MBP: variants seen among roughly 807,000 people sequenced by gnomAD.
MBP encodes myelin basic protein.
Under a neutral mutation model 35.8 loss-of-function variants are expected in MBP, and 16 were observed. That is an observed-to-expected ratio of 0.45 (90% CI 0.30 to 0.68). The LOEUF is 0.68. Ranked by LOEUF, MBP falls within the 30% of genes least tolerant of loss-of-function variation. The pLI, the probability that MBP is intolerant of heterozygous loss-of-function variation, is 0.08. For synonymous variants in MBP, 143 were observed against 159.6 expected (o/e 0.90, Z 0.78); for missense variants, 380 against 404.7 (o/e 0.94, Z 0.52).
At chr18:77,096,500 G>A (rs780329914) in intron 2 of MBP, among the ~76,000 whole-genome samples, 8 of 152,192 alleles carry the variant, frequency 5.3e-5, no homozygotes, top group Non-Finnish European at 1.2e-4. Flanking sequence ...ACACCAAACA[G>A]ACCAATAAGT....
intron 1 of MBP, among the ~76,000 whole-genome samples, chr18:77,117,554 A>G (rs1400864062): frequency 1.3e-5 from 2 of 152,112 alleles, no homozygotes; most frequent in African/African-American, 4.8e-5. Context: ...GGCAGAACAC[A>G]TTCATAGTTC....
At position 76,988,080 on chromosome 18, in the gene MBP, G is replaced by A; in HGVS notation, c.750+415C>T. ...CAGCAGAATCATTTTCCCAGTGTCA[G>A]CATCTGGGGTCACTGAGACGGGCCA... is the stretch of plus-strand genomic sequence containing the variant. On this transcript the variant is annotated intron_variant, in intron 7 of 8. Coordinates refer to ENST00000355994, the MANE Select transcript of MBP (RefSeq NM_001025101.2). The surrounding 1 kb of genome is among the most constrained non-coding windows in gnomAD (Gnocchi z 5.2). 6.8e-7 allele frequency: 1 copy of A among 1,467,114 alleles called. No homozygotes were observed. Among genetic ancestry groups the A allele is most frequent in the Non-Finnish European group, 9.0e-7 (1 of 1,111,362 alleles). 90.9% of individuals were successfully genotyped at this position (1,467,114 alleles called of 1,614,324 possible).
intron 8 of MBP, 192 bp from the exon 9 acceptor site, chr18:76,980,663 AT>A (rs1233932303): frequency 1.4e-5 from 8 of 584,800 alleles, no homozygotes; most frequent in Middle Eastern, 4.5e-4. Flanking sequence ...TGCTAATTGA[AT>A]TTCCAGTTCT....
intron 3 of MBP, among the ~76,000 whole-genome samples, chr18:77,052,333 G>T (rs1973522415): frequency 6.6e-6 from 1 of 152,206 alleles, no homozygotes; most frequent in African/African-American, 2.4e-5. Flanking sequence ...CCGATCGGGG[G>T]GGTAAGACAA....
At position 77,101,744 on chromosome 18, in the gene MBP, TGA is replaced by T. The variant is rs1976023638; in HGVS notation, c.51+3465_51+3466del. ...ACATCCTGCCGTGGCTTATTCGGGA[TGA>T]GAGAGAAGCAAATTTCAAAGCCCTG... On this transcript the variant is annotated intron_variant, in intron 2 of 8. Coordinates refer to ENST00000355994, the MANE Select transcript of MBP (RefSeq NM_001025101.2). The surrounding 1 kb of genome is among the most constrained non-coding windows in gnomAD (Gnocchi z 4.3). Among the ~76,000 whole-genome samples, 3 of 152,050 alleles carry T rather than the reference TGA, an allele frequency of 2.0e-5. No individual in the cohort carries two copies. The highest frequency in any genetic ancestry group is 2.0e-4 in the Admixed American group (3 of 15,270).
chr18:77,011,376 G>C (rs1222828377), intron 4 of MBP, among the ~76,000 whole-genome samples: 1 of 152,184 alleles, frequency 6.6e-6, no homozygotes, highest in Non-Finnish European at 1.5e-5. Context: ...GGGCCAACAA[G>C]CGAAGAACTT....
rs1449061893 is a variant in MBP, at chr18:77,131,079, GCACGCGCACACACACACACA to G, written c.-26+1481_-26+1500del. 7.7e-5 allele frequency among the ~76,000 whole-genome samples: 3 copies of G among 39,082 alleles called. No individual in the cohort carries two copies. Among genetic ancestry groups the G allele is most frequent in the East Asian group, 6.6e-4 (1 of 1,524 alleles). The allele number at this position is 39,082 out of a possible 152,430, so 25.6% of individuals were successfully genotyped here. A position where few individuals can be genotyped will look rare whatever the true frequency, so the allele number is the denominator to read the frequency against. ...AAACAAAACACACACACGCGCGCAC[GCACGCGCACACACACACACA>G]CACACACACACACACACACACCCCC... On this transcript the variant is annotated intron_variant, in intron 1 of 8. Transcript: ENST00000355994. The surrounding 1 kb of genome is among the most constrained non-coding windows in gnomAD (Gnocchi z 5.5).
intron 3 of MBP, among the ~76,000 whole-genome samples, chr18:77,048,636 G>C (rs569979455): frequency 6.6e-6 from 1 of 151,894 alleles, no homozygotes; most frequent in South Asian, 2.1e-4. Flanking sequence ...GCTAATTTTT[G>C]TATTTTTAGT....
intron 1 of MBP, among the ~76,000 whole-genome samples, chr18:77,112,147 G>A (rs1031406827): frequency 2.1e-5 from 3 of 141,632 alleles, no homozygotes; most frequent in Non-Finnish European, 4.5e-5. Flanking sequence ...CCAAAAACCC[G>A]TAGAATGAAC....
Position 76,988,794 on chromosome 18 carries a change from A to G in MBP, c.717+83T>C. 1 of 1,484,158 alleles carries G rather than the reference A, an allele frequency of 6.7e-7. No individual in the cohort carries two copies. The highest frequency in any genetic ancestry group is 9.2e-7 in the Non-Finnish European group (1 of 1,084,506). 91.9% of individuals were successfully genotyped at this position (1,484,158 alleles called of 1,614,324 possible). A position where few individuals can be genotyped will look rare whatever the true frequency, so the allele number is the denominator to read the frequency against. ...GATGGATTCTGGTAGCTCGGAGCCT[A>G]ACTCTCTCTTTGGTACATTATGGGA... On this transcript the variant is annotated intron_variant, in intron 6 of 8. Transcript: ENST00000355994. This position sits in a 1 kb window ranked among gnomAD's most constrained non-coding sequence, Gnocchi z 5.2.
At position 77,017,190 on chromosome 18, in the gene MBP, G is replaced by C. The variant is rs139814021; in HGVS notation, c.218C>G (p.Pro73Arg). 1 of 1,538,316 alleles carries C rather than the reference G, an allele frequency of 6.5e-7. No individual in the cohort carries two copies. The highest frequency in any genetic ancestry group is 1.4e-5 in the African/African-American group (1 of 72,324). Residue 73 changes from proline to arginine, a missense_variant, in exon 4 of 9, where the codon CCG becomes CGG. Physicochemically the swap from Pro to Arg is moderately radical, Grantham distance 103. Coordinates refer to ENST00000355994, the MANE Select transcript of MBP (RefSeq NM_001025101.2). Reference protein sequence around the residue: ...AVTDSKRTADPKNAWQDAHPA... With the variant: ...AVTDSKRTADRKNAWQDAHPA... The stretch of plus-strand genomic sequence containing the variant: ...GTGGGCATCCTGCCAGGCATTCTTC[G>C]GGTCCGCTGTGCGCTTGGAGTCAGT...
intron 3 of MBP, among the ~76,000 whole-genome samples, chr18:77,055,488 G>C (rs1204471666): frequency 6.6e-6 from 1 of 152,100 alleles, no homozygotes; most frequent in Admixed American, 6.6e-5. Flanking sequence ...CTTAAAATGG[G>C]CTCAGTTTTC....
chr18:77,063,440 C>T (rs1974066819), intron 3 of MBP, among the ~76,000 whole-genome samples: 2 of 152,200 alleles, frequency 1.3e-5, no homozygotes, highest in Admixed American at 1.3e-4. Context: ...GCTCCTCCCA[C>T]TTCCCCCTTG....
intron 2 of MBP, chr18:77,067,936 A>C: frequency 4.5e-6 from 2 of 446,182 alleles, no homozygotes; most frequent in Non-Finnish European, 9.0e-6. Context: ...AGAGAAGTCC[A>C]GCCCTCTGAG....
In MBP at chr18:76,984,888, C is replaced by T. The variant is rs1334171636; in HGVS notation, c.757G>A (p.Glu253Lys). 6.2e-6 allele frequency: 10 copies of T among 1,613,330 alleles called. No homozygotes were observed. Among genetic ancestry groups the T allele is most frequent in the East Asian group, 2.2e-5 (1 of 44,880 alleles). Residue 253 changes from glutamate to lysine, a missense_variant, in exon 8 of 9, where the codon GAA becomes AAA. Transcript: ENST00000355994. ...TAGCCAAATCCTGGTCTCTGGCCTT[C>T]GGCCCCCTGCAAGAGAAGACCACGG... Reference protein sequence around the residue: ...LSLSRFSWGAEGQRPGFGYGG... With the variant: ...LSLSRFSWGAKGQRPGFGYGG...
In MBP at chr18:77,102,996, C is replaced by T. The variant is rs1361827801; in HGVS notation, c.51+2215G>A. Among the ~76,000 whole-genome samples the T allele has an allele frequency of 6.6e-6, 1 of 152,014 alleles. No homozygotes were observed. The highest frequency in any genetic ancestry group is 1.5e-5 in the Non-Finnish European group (1 of 67,974). ...GGGCTGAACAAAATAATGAGTCACCCTCCCATTCAACATTGACTAGAACCA... is the reference window on the plus strand; with the variant it reads ...GGGCTGAACAAAATAATGAGTCACCTTCCCATTCAACATTGACTAGAACCA... On this transcript the variant is annotated intron_variant, in intron 2 of 8. Coordinates refer to ENST00000355994, the MANE Select transcript of MBP (RefSeq NM_001025101.2). This position sits in a 1 kb window ranked among gnomAD's most constrained non-coding sequence, Gnocchi z 4.4.
At chr18:77,013,276 GA>G in intron 4 of MBP, 1 of 985,440 alleles carries the variant, frequency 1.0e-6, no homozygotes, top group Non-Finnish European at 1.2e-6. Flanking sequence ...CACGATGAAT[GA>G]GATTGAATTT....
intron 3 of MBP, among the ~76,000 whole-genome samples, chr18:77,034,080 A>AGG (rs1255600457): frequency 2.1e-5 from 3 of 142,410 alleles, no homozygotes; most frequent in Admixed American, 7.1e-5. Context: ...AAAAAAGATT[A>AGG]CCTGGGGCCC....
chr18:77,119,098 C>T (rs1156239438), intron 1 of MBP, among the ~76,000 whole-genome samples: 1 of 152,218 alleles, frequency 6.6e-6, no homozygotes, highest in Non-Finnish European at 1.5e-5. Flanking sequence ...GTTGGTCCCA[C>T]AGGTCCCTGA....
Sources: gnomAD v4.1 joint callset for allele counts (sites outside exome capture counted in the v4.1 genomes callset) on GRCh38, gnomAD v4.1.1 for gene constraint, Gnocchi (gnomAD v3.1) non-coding constraint, MANE v1.5 for transcripts, NCBI Gene and HGNC (gene_info 2026-07-23, HGNC 2026-07-21) for gene names.